The following DYNLRB2 variants were observed in gnomAD, a reference collection of about 807,000 sequenced individuals.
DYNLRB2 encodes dynein light chain roadblock-type 2.
Under a neutral mutation model 12.6 loss-of-function variants are expected in DYNLRB2, and 14 were observed. The ratio of observed to expected loss-of-function variants is 1.11; its 90% CI spans 0.73 to 1.73. The LOEUF (loss-of-function observed/expected upper bound fraction) is 1.73. Ranked by LOEUF, DYNLRB2 falls within the 40% of genes most tolerant of loss-of-function variation. The pLI is 0.00. For synonymous variants in DYNLRB2, 53 were observed against 37.0 expected, an observed-to-expected ratio of 1.43 and a Z score of -1.57; for missense variants, 142 against 117.7, an observed-to-expected ratio of 1.21 and a Z score of -0.95.
chr16:80,546,116 T>A (rs1184144722), intron 2 of DYNLRB2, among the ~76,000 whole-genome samples: 1 of 152,222 alleles, frequency 6.6e-6, no homozygotes, highest in Non-Finnish European at 1.5e-5. Flanking sequence ...GAGGGGCTTA[T>A]TTTTATGGTT....
In DYNLRB2 at chr16:80,545,825, G is replaced by A. The variant is rs564487155; in HGVS notation, c.79+2474G>A. On this transcript the variant is annotated intron_variant, in intron 2 of 3. Coordinates refer to ENST00000305904, the MANE Select transcript of DYNLRB2 (RefSeq NM_130897.3). Reference sequence around the variant, plus strand: ...CAAGTAGCTGGGACTACAGGCACCCGCCACCACGCCTGGCTAATTTTTTGT... The same window carrying A: ...CAAGTAGCTGGGACTACAGGCACCCACCACCACGCCTGGCTAATTTTTTGT... Among the ~76,000 whole-genome samples, 13 of 139,532 alleles carry A rather than the reference G, an allele frequency of 9.3e-5. No homozygotes were observed. The South Asian group carries it at 2.2e-3, about 24-fold the overall frequency. 91.5% of individuals were successfully genotyped at this position (139,532 alleles called of 152,430 possible). A position where few individuals can be genotyped will look rare whatever the true frequency, so the allele number is the denominator to read the frequency against.
rs1904306921 is a variant in DYNLRB2 at position 80,543,345 on chromosome 16, G to A, written c.73G>A (p.Ala25Thr). The change falls in exon 2 of 4, where the codon GCA (alanine) becomes ACA (threonine). Residue 25 changes from alanine (A) to threonine (T), a missense_variant. Transcript: ENST00000305904. ...KGVIGTMVVN[A>T]EGIPIRTTLD... ...GGTTATTGGAACTATGGTTGTAAAT[G>A]CAGAAGGTAAATATATCACAGGCTG... The A allele has an allele frequency of 1.2e-6, 2 of 1,613,910 alleles. No individual in the cohort carries two copies. Among genetic ancestry groups the A allele is most frequent in the Non-Finnish European group, 1.7e-6 (2 of 1,179,842 alleles).
At chr16:80,543,531 T>A (rs188176701) in intron 2 of DYNLRB2, among the ~76,000 whole-genome samples, 180 bp downstream of exon 2, 50 of 152,366 alleles carry the variant, frequency 3.3e-4, no homozygotes, top group African/African-American at 9.9e-4. Context: ...AACACTCTGC[T>A]AAGATCTGGG....
rs145184115 is a variant in DYNLRB2, at chr16:80,547,518, G to C, written c.80-1966G>C. 7.9e-3 allele frequency among the ~76,000 whole-genome samples: 1,196 copies of C among 150,546 alleles called. 14 individuals carry two copies. Among genetic ancestry groups the C allele is most frequent in the African/African-American group, 0.028 (1,160 of 41,162 alleles). Reference sequence around the variant, plus strand: ...TCCACCGTGCACACTTATTCAAAAAGGCTAGCTGTTTTATTTATTGACTTG... The same window carrying C: ...TCCACCGTGCACACTTATTCAAAAACGCTAGCTGTTTTATTTATTGACTTG... On this transcript the variant is annotated intron_variant, in intron 2 of 3. Coordinates refer to ENST00000305904, the MANE Select transcript of DYNLRB2 (RefSeq NM_130897.3).
chr16:80,549,424 A>G (rs1259577124), intron 2 of DYNLRB2, 60 bp from the exon 3 acceptor site: 2 of 1,466,254 alleles, frequency 1.4e-6, no homozygotes, highest in East Asian at 2.5e-5. Context: ...ATACTTCCAC[A>G]CTGTACTTAT....
intron 2 of DYNLRB2, among the ~76,000 whole-genome samples, chr16:80,545,795 C>A (rs921780134): frequency 3.2e-4 from 48 of 150,386 alleles, no homozygotes; most frequent in Non-Finnish European, 6.4e-4. Flanking sequence ...CCTGCCTCAG[C>A]CTCCCAAGTA....
intron 2 of DYNLRB2, 98 bp downstream of exon 2, chr16:80,543,449 C>A (rs184591343): frequency 1.8e-6 from 2 of 1,136,942 alleles, no homozygotes; most frequent in Admixed American, 2.1e-5. Flanking sequence ...AATTTGACAT[C>A]AAAAATATAT....
At chr16:80,540,805 T>C, upstream of DYNLRB2, 1 of 707,190 alleles carries the variant, frequency 1.4e-6, no homozygotes, top group Non-Finnish European at 2.6e-6. Context: ...CCTGACCCAC[T>C]TCCCTCTTCC....
At chr16:80,541,149 G>C (rs1189997317) in intron 1 of DYNLRB2, 70 bp downstream of exon 1, 3 of 1,549,592 alleles carry the variant, frequency 1.9e-6, no homozygotes, top group Non-Finnish European at 2.6e-6. Flanking sequence ...TTCGCACCCA[G>C]CTTCTGGGGC....
At chr16:80,544,068 T>A (rs1904319304) in intron 2 of DYNLRB2, among the ~76,000 whole-genome samples, 1 of 152,084 alleles carries the variant, frequency 6.6e-6, no homozygotes, top group Non-Finnish European at 1.5e-5. Context: ...AAAATAAGAG[T>A]AGCTACTTTA....
At chr16:80,542,753 T>A (rs77189155) in intron 1 of DYNLRB2, among the ~76,000 whole-genome samples, 7,085 of 152,306 alleles carry the variant, frequency 0.047, 347 homozygotes, top group South Asian at 0.16. Context: ...TGGAATACTT[T>A]GTTTTTATAG....
chr16:80,540,980 C>A, upstream of DYNLRB2: 3 of 1,578,072 alleles, frequency 1.9e-6, no homozygotes, highest in Non-Finnish European at 2.6e-6. Context: ...TCCGTGGGGC[C>A]ACTTCCTTTT....
intron 1 of DYNLRB2, among the ~76,000 whole-genome samples, chr16:80,542,126 A>G (rs1315737002): frequency 1.3e-5 from 2 of 152,238 alleles, no homozygotes. Context: ...TCATTGCAGT[A>G]GAATTTAATG....
intron 2 of DYNLRB2, among the ~76,000 whole-genome samples, chr16:80,548,414 T>A (rs1253226977): frequency 6.6e-6 from 1 of 152,160 alleles, no homozygotes; most frequent in Non-Finnish European, 1.5e-5. Context: ...ATAGTTTCTG[T>A]TTTAAACTCA....
In DYNLRB2 at chr16:80,543,276, G is replaced by T; in HGVS notation, c.4G>T (p.Ala2Ser). 1 of 1,613,892 alleles carries T rather than the reference G, an allele frequency of 6.2e-7. No individual in the cohort carries two copies. Among genetic ancestry groups the T allele is most frequent in the Non-Finnish European group, 8.5e-7 (1 of 1,179,834 alleles). ...TAATTATCTTCCTGGTCTCTTTCAG[G>T]CAGAGGTGGAGGAAACCTTAAAGAG... M[A>S]EVEETLKRIQ... The change falls in exon 2 of 4, where the codon GCA becomes TCA. Residue 2 changes from alanine to serine, a missense_variant and splice_region_variant. By Grantham distance (99) the Ala-to-Ser change is moderately conservative (BLOSUM62 1). Coordinates refer to ENST00000305904, the MANE Select transcript of DYNLRB2 (RefSeq NM_130897.3).
chr16:80,549,352 T>C (rs886850788), intron 2 of DYNLRB2, 132 bp from the exon 3 acceptor site: 106 of 895,698 alleles, frequency 1.2e-4, no homozygotes, highest in Admixed American at 5.0e-4. Context: ...AAACTAAAAT[T>C]GTTACCAGAG....
chr16:80,542,906 T>A (rs142458735), intron 1 of DYNLRB2, among the ~76,000 whole-genome samples: 8 of 152,326 alleles, frequency 5.3e-5, no homozygotes, highest in African/African-American at 1.9e-4. Flanking sequence ...GAAAAGGAAT[T>A]TTCATTTGAA....
chr16:80,550,584 G>A lies in DYNLRB2; in HGVS notation c.*26G>A, dbSNP rs774419170. 127 of 1,613,878 alleles carry A rather than the reference G, an allele frequency of 7.9e-5. No homozygotes were observed. The highest frequency in any genetic ancestry group is 9.9e-5 in the Non-Finnish European group (117 of 1,179,868). On this transcript the variant is annotated 3_prime_UTR_variant, in exon 4 of 4. Coordinates refer to ENST00000305904, the MANE Select transcript of DYNLRB2 (RefSeq NM_130897.3). ...ACCTGCGATGGCCAAGGCTGTTTAAGCGACACTGGGTTGGAAACACTTGGC... is the reference window on the plus strand; with the variant it reads ...ACCTGCGATGGCCAAGGCTGTTTAAACGACACTGGGTTGGAAACACTTGGC...
chr16:80,542,859 G>C (rs1904301088), intron 1 of DYNLRB2, among the ~76,000 whole-genome samples: 1 of 152,202 alleles, frequency 6.6e-6, no homozygotes, highest in Non-Finnish European at 1.5e-5. Flanking sequence ...GGGAGGCCAT[G>C]ATATAGCTCT....
Sources: allele counts gnomAD v4.1 joint callset (sites outside exome capture counted in the v4.1 genomes callset), GRCh38; gene constraint gnomAD v4.1.1; transcripts MANE v1.5; gene names NCBI Gene and HGNC (gene_info 2026-07-23, HGNC 2026-07-21).